The following MIS18BP1 variants were observed in gnomAD, a reference collection of about 807,000 sequenced individuals.
The protein encoded by MIS18BP1 is MIS18 binding protein 1.
Under a neutral mutation model 116.1 loss-of-function variants are expected in MIS18BP1, and 72 were observed. The observed-to-expected ratio is 0.62, with a 90% CI of 0.51 to 0.75. The LOEUF is 0.75. Among genes scored for constraint, MIS18BP1 ranks in the 30% least tolerant of loss-of-function variants. The pLI, the probability that MIS18BP1 is intolerant of heterozygous loss-of-function variation, is 0.00. For synonymous variants in MIS18BP1, 386 were observed against 427.0 expected (o/e 0.90, Z 1.18); for missense variants, 1,363 against 1,303.2 (o/e 1.05, Z -0.71).
At chr14:45,216,443 C>T (rs1331655866) in intron 13 of MIS18BP1, among the ~76,000 whole-genome samples, 2 of 152,096 alleles carry the variant, frequency 1.3e-5, no homozygotes, top group Admixed American at 6.5e-5. Flanking sequence ...TGACCACTTC[C>T]CCAAGTGTTT....
rs1301382432 is a variant in MIS18BP1 at position 45,242,271 on chromosome 14, C to T, written c.906G>A (p.Met302Ile). 3.7e-6 allele frequency: 6 copies of T among 1,613,948 alleles called. No individual in the cohort carries two copies. The Admixed American group carries it at 1.0e-4, about 27-fold the overall frequency. The change falls in exon 4 of 17, where the codon ATG becomes ATA. Residue 302 changes from methionine to isoleucine, a missense_variant. Physicochemically the swap from Met to Ile is conservative, Grantham distance 10 (BLOSUM62 1). Transcript: ENST00000310806. ...CIPIKNGSLLMVSDSERTTEG... is the reference protein window; with the variant it reads ...CIPIKNGSLLIVSDSERTTEG... ...CTGTTGTCCTCTCACTATCAGAAACCATTAACAGGCTGCCATTTTTAATAG... is the reference window on the plus strand; with the variant it reads ...CTGTTGTCCTCTCACTATCAGAAACTATTAACAGGCTGCCATTTTTAATAG...
At chr14:45,247,883 C>T (rs963718806) in intron 1 of MIS18BP1, among the ~76,000 whole-genome samples, 2 of 151,418 alleles carry the variant, frequency 1.3e-5, no homozygotes, top group South Asian at 4.2e-4. Flanking sequence ...TTAATAATAC[C>T]CAATCCTGAT....
intron 7 of MIS18BP1, 87 bp downstream of exon 7, chr14:45,232,646 T>A: frequency 1.3e-6 from 1 of 767,992 alleles, no homozygotes; most frequent in Non-Finnish European, 2.2e-6. Context: ...AATACAAAAA[T>A]TAGCTGGACA....
intron 13 of MIS18BP1, among the ~76,000 whole-genome samples, chr14:45,212,549 C>G (rs1005510080): frequency 6.6e-6 from 1 of 152,114 alleles, no homozygotes. Flanking sequence ...GCAGCCAGCA[C>G]CAGGGAAAAG....
chr14:45,235,297 G>A (rs1156976309), intron 6 of MIS18BP1, among the ~76,000 whole-genome samples: 1 of 151,636 alleles, frequency 6.6e-6, no homozygotes, highest in African/African-American at 2.4e-5. Flanking sequence ...AAAAGGACTG[G>A]CCACAGGAAA....
chr14:45,248,081 T>G (rs1239133781), intron 1 of MIS18BP1, among the ~76,000 whole-genome samples: 1 of 151,198 alleles, frequency 6.6e-6, no homozygotes, highest in Non-Finnish European at 1.5e-5. Flanking sequence ...TTTCTTTTTT[T>G]GGAGACAGAG....
rs752432662 is a variant in MIS18BP1 at position 45,216,974 on chromosome 14, A to G, written c.3003+45T>C. 11 of 1,584,570 alleles carry G rather than the reference A, an allele frequency of 6.9e-6. No homozygotes were observed. In the Admixed American group the frequency reaches 8.8e-5, roughly 13 times the overall value. ...TACCATACATAAAAATGAAAGATAC[A>G]AAAGTCAATACAGATAAGGAAAACA... On this transcript the variant is annotated intron_variant, in intron 13 of 16. Coordinates refer to ENST00000310806, the MANE Select transcript of MIS18BP1 (RefSeq NM_018353.5).
In MIS18BP1 at chr14:45,247,227, T is replaced by A; in HGVS notation, c.60A>T (p.Gln20His). Reference protein sequence around the residue: ...RIYLPPEASSQRRNLPMDAIF... With the variant: ...RIYLPPEASSHRRNLPMDAIF... Reference sequence around the variant, plus strand: ...TTGCATCCATGGGTAGATTTCTCCTTTGAGAAGATGCCTCTGGAGGTAAGT... The same window carrying A: ...TTGCATCCATGGGTAGATTTCTCCTATGAGAAGATGCCTCTGGAGGTAAGT... The change falls in exon 2 of 17, where the codon CAA becomes CAT. Residue 20 changes from glutamine to histidine, a missense_variant. Gln to His is a conservative substitution (Grantham distance 24). Coordinates refer to ENST00000310806, the MANE Select transcript of MIS18BP1 (RefSeq NM_018353.5). 1 of 1,610,926 alleles carries A rather than the reference T, an allele frequency of 6.2e-7. No homozygotes were observed. Among genetic ancestry groups the A allele is most frequent in the South Asian group, 1.1e-5 (1 of 90,418 alleles).
chr14:45,250,408 C>G (rs375589351), intron 1 of MIS18BP1, among the ~76,000 whole-genome samples: 2 of 152,184 alleles, frequency 1.3e-5, no homozygotes, highest in South Asian at 2.1e-4. Context: ...CTAGTCAAAA[C>G]AGCTAAACAA....
At chr14:45,241,253 T>G (rs1891567424) in intron 4 of MIS18BP1, among the ~76,000 whole-genome samples, 1 of 152,194 alleles carries the variant, frequency 6.6e-6, no homozygotes, top group African/African-American at 2.4e-5. Context: ...GAGGATCACT[T>G]GAGGTCAGGA....
At chr14:45,208,331 T>TG (rs988523240) in intron 14 of MIS18BP1, among the ~76,000 whole-genome samples, 1 of 70,824 alleles carries the variant, frequency 1.4e-5, no homozygotes, top group Non-Finnish European at 3.0e-5. Context: ...GATGAAGTTG[T>TG]TTTTTTTTTT....
rs758635515 is a variant in MIS18BP1 at position 45,223,977 on chromosome 14, G to A, written c.2610C>T (p.Cys870=). ...CCTTATCCTGAATTAAACCAGGTAAGCATTCTAAGGGATGCCTATTTGTCT... is the reference window on the plus strand; with the variant it reads ...CCTTATCCTGAATTAAACCAGGTAAACATTCTAAGGGATGCCTATTTGTCT... ...SDKTNRHPLE[C]LPGLIQDKEW... Residue 870 remains cysteine (C), a synonymous_variant, in exon 11 of 17, where the codon TGC becomes TGT. Coordinates refer to ENST00000310806, the MANE Select transcript of MIS18BP1 (RefSeq NM_018353.5). 5.0e-6 allele frequency: 8 copies of A among 1,607,694 alleles called. No individual in the cohort carries two copies. The East Asian group carries it at 8.9e-5, about 18-fold the overall frequency.
In MIS18BP1 at chr14:45,231,212, T is replaced by C. The variant is rs1891268071; in HGVS notation, c.1523A>G (p.Asp508Gly). 5.6e-6 allele frequency: 9 copies of C among 1,614,044 alleles called. No homozygotes were observed. The highest frequency in any genetic ancestry group is 1.1e-5 in the South Asian group (1 of 91,076). The change falls in exon 8 of 17, where the codon GAT becomes GGT. Residue 508 changes from aspartate to glycine, a missense_variant. Coordinates refer to ENST00000310806, the MANE Select transcript of MIS18BP1 (RefSeq NM_018353.5). ...AGTATCTGTTTGGTTTTCTCGTGCA[T>C]CATTTTTCATTGATTTCCTTATGTC... is the stretch of plus-strand genomic sequence containing the variant. The part of the protein sequence containing the change: ...VRDIRKSMKN[D>G]ARENQTDTAQ...
chr14:45,230,240 T>C (rs1176549195), intron 8 of MIS18BP1, among the ~76,000 whole-genome samples: 2 of 152,218 alleles, frequency 1.3e-5, no homozygotes, highest in Non-Finnish European at 2.9e-5. Flanking sequence ...GAGCTGTAAG[T>C]TAATGTTCAT....
chr14:45,215,334 C>G (rs1890785983), intron 13 of MIS18BP1, among the ~76,000 whole-genome samples: 1 of 152,122 alleles, frequency 6.6e-6, no homozygotes, highest in Admixed American at 6.5e-5. Flanking sequence ...AAAAATTACC[C>G]TTATGTCTAG....
chr14:45,208,222 G>A (rs900105334), intron 14 of MIS18BP1, among the ~76,000 whole-genome samples: 1 of 151,690 alleles, frequency 6.6e-6, no homozygotes, highest in African/African-American at 2.4e-5. Flanking sequence ...TGGATGTTTT[G>A]GTCATTCTCA....
intron 11 of MIS18BP1, among the ~76,000 whole-genome samples, chr14:45,223,192 C>T (rs775561334): frequency 2.2e-4 from 34 of 152,220 alleles, no homozygotes; most frequent in Non-Finnish European, 4.3e-4. Context: ...TGGAGAGCTC[C>T]TCTTTAAACT....
At chr14:45,232,191 T>C (rs994663113) in intron 7 of MIS18BP1, among the ~76,000 whole-genome samples, 4 of 150,436 alleles carry the variant, frequency 2.7e-5, no homozygotes, top group South Asian at 2.1e-4. Context: ...CCAAGGTGGG[T>C]GGATCAGGAG....
rs372496980 is a variant in MIS18BP1, at chr14:45,242,009, A to G, written c.1143+25T>C. ...AAGAACGGGGTAAAAATAGAAATAA[A>G]TATCTGTCTTAAAAGTTTTCCCACC... is the stretch of plus-strand genomic sequence containing the variant. On this transcript the variant is annotated intron_variant, in intron 4 of 16. Transcript: ENST00000310806. 2.8e-5 allele frequency: 44 copies of G among 1,561,816 alleles called. No individual in the cohort carries two copies. In the African/African-American group the frequency reaches 3.7e-4, roughly 13 times the overall value.
Sources: allele counts gnomAD v4.1 joint callset (sites outside exome capture counted in the v4.1 genomes callset), GRCh38; gene constraint gnomAD v4.1.1; transcripts MANE v1.5; gene names NCBI Gene and HGNC (gene_info 2026-07-23, HGNC 2026-07-21).